TMC3: variants seen among roughly 807,000 people sequenced by gnomAD.
TMC3 encodes transmembrane channel-like protein 3.
In TMC3, 98 loss-of-function variants were observed where a neutral mutation model predicts 110.6. The ratio of observed to expected loss-of-function variants is 0.89; its 90% CI spans 0.75 to 1.05. The LOEUF is 1.05. Ranked by LOEUF, TMC3 falls within the 50% of genes least tolerant of loss-of-function variation. The pLI, the probability that TMC3 is intolerant of heterozygous loss-of-function variation, is 0.00. For synonymous variants in TMC3, 489 were observed against 513.1 expected, an observed-to-expected ratio of 0.95 and a Z score of 0.63; for missense variants, 1,319 against 1,373.2, an observed-to-expected ratio of 0.96 and a Z score of 0.62.
chr15:81,363,974 T>A (rs1420745639), intron 3 of TMC3, among the ~76,000 whole-genome samples: 2 of 152,250 alleles, frequency 1.3e-5, no homozygotes, highest in Non-Finnish European at 2.9e-5. Context: ...CTAGCTCTAA[T>A]TTCACATCTA....
chr15:81,343,814 C>T (rs1010423209), intron 14 of TMC3, 103 bp downstream of exon 14: 72 of 1,296,578 alleles, frequency 5.6e-5, no homozygotes, highest in Middle Eastern at 1.9e-4. Flanking sequence ...ATTCTCTTTC[C>T]GTGTGTCCCC....
At chr15:81,348,789 T>A (rs1893879093) in intron 11 of TMC3, among the ~76,000 whole-genome samples, 1 of 152,166 alleles carries the variant, frequency 6.6e-6, no homozygotes. Flanking sequence ...GCCAGACCTC[T>A]TCTTGGTTCC....
intron 14 of TMC3, 95 bp from the exon 15 acceptor site, chr15:81,343,440 T>C (rs1331142918): frequency 7.5e-6 from 6 of 800,320 alleles, no homozygotes; most frequent in Non-Finnish European, 1.3e-5. Context: ...TCTTTGCTCT[T>C]ATGAACACTT....
rs1242620546 is a variant in TMC3, at chr15:81,336,589, A to C, written c.2203+20T>G. 9.9e-6 allele frequency: 16 copies of C among 1,613,068 alleles called. No individual in the cohort carries two copies. Among genetic ancestry groups the C allele is most frequent in the Non-Finnish European group, 1.4e-5 (16 of 1,179,568 alleles). ...CCTCAAAACAAAAAAACAACAACAA[A>C]AAGAAACGGAAATACTTACCTTCTA... On this transcript the variant is annotated intron_variant, in intron 20 of 21. Transcript: ENST00000359440.
At chr15:81,367,975 C>T (rs953914428) in intron 3 of TMC3, among the ~76,000 whole-genome samples, 3 of 152,140 alleles carry the variant, frequency 2.0e-5, no homozygotes, top group Non-Finnish European at 4.4e-5. Context: ...CACTCTGTCA[C>T]CCAGACTGGA....
chr15:81,345,883 GA>G (rs577070071), intron 12 of TMC3, among the ~76,000 whole-genome samples: 90 of 139,292 alleles, frequency 6.5e-4, no homozygotes, highest in East Asian at 3.1e-3. Context: ...TCTCAAAAAA[GA>G]AAAAAAAAAA....
At position 81,332,131 on chromosome 15, in the gene TMC3, A is replaced by T; in HGVS notation, c.*288T>A. On this transcript the variant is annotated 3_prime_UTR_variant, in exon 22 of 22. Transcript: ENST00000359440. ...CTTCTGTCTTGAGCCCCTCTGCCAA[A>T]TTCTTTCTTCCGAGGAGGCAAGTAT... The T allele has an allele frequency of 2.9e-6, 1 of 343,140 alleles. No individual in the cohort carries two copies. Among genetic ancestry groups the T allele is most frequent in the Non-Finnish European group, 5.3e-6 (1 of 189,026 alleles). 21.3% of individuals were successfully genotyped at this position (343,140 alleles called of 1,614,324 possible). A position where few individuals can be genotyped will look rare whatever the true frequency, so the allele number is the denominator to read the frequency against.
intron 19 of TMC3, among the ~76,000 whole-genome samples, chr15:81,337,027 G>A (rs951325450): frequency 2.0e-5 from 3 of 151,116 alleles, no homozygotes; most frequent in Admixed American, 1.3e-4. Flanking sequence ...CCAATTAGAA[G>A]CTAATTTGTG....
At chr15:81,339,263 A>T in intron 17 of TMC3, 131 bp downstream of exon 17, 1 of 705,940 alleles carries the variant, frequency 1.4e-6, no homozygotes, top group Non-Finnish European at 2.4e-6. Context: ...TCTTGGATTT[A>T]AAACATGCGG....
chr15:81,336,096 A>G (rs1356164970), intron 20 of TMC3: 2 of 152,456 alleles, frequency 1.3e-5, no homozygotes, highest in African/African-American at 2.4e-5. Context: ...TGGATATGAT[A>G]TAAAAATTAA....
intron 5 of TMC3, 89 bp downstream of exon 5, chr15:81,359,276 C>A (rs888570822): frequency 7.5e-6 from 7 of 936,336 alleles, no homozygotes; most frequent in Non-Finnish European, 1.1e-5. Context: ...ATATTTTCAT[C>A]CCCACAATGA....
In TMC3 at chr15:81,359,425, C is replaced by T. The variant is rs748587704; in HGVS notation, c.441G>A (p.Trp147Ter). The change falls in exon 5 of 22, where the codon TGG becomes TGA. Residue 147 changes from tryptophan to a stop codon, truncating the protein, a stop_gained. Transcript: ENST00000359440. LOFTEE classifies it high-confidence loss of function. ...GVASYFIFLR[W>*]LFGINIVLTI... is the part of the protein sequence containing the mutation. ...TGAGCACAATATTAATTCCAAATAA[C>T]CATCTCAAGAATATGAAATAGGAGG... is the stretch of plus-strand genomic sequence containing the variant. 8.1e-6 allele frequency: 13 copies of T among 1,605,262 alleles called. 1 individual carries two copies. The South Asian group carries it at 1.1e-4, about 14-fold the overall frequency.
intron 2 of TMC3, 41 bp downstream of exon 2, chr15:81,372,550 G>A (rs755206781): frequency 6.2e-7 from 1 of 1,610,486 alleles, no homozygotes; most frequent in South Asian, 1.1e-5. Flanking sequence ...TTATCGGAAA[G>A]CATGCTTGTA....
chr15:81,359,939 G>A (rs1278470701), intron 4 of TMC3, among the ~76,000 whole-genome samples: 1 of 151,970 alleles, frequency 6.6e-6, no homozygotes, highest in Non-Finnish European at 1.5e-5. Flanking sequence ...AGGGTACACG[G>A]GAATTCTCTT....
intron 18 of TMC3, 57 bp downstream of exon 18, chr15:81,338,598 T>C: frequency 2.5e-6 from 4 of 1,586,622 alleles, no homozygotes; most frequent in Non-Finnish European, 3.4e-6. Flanking sequence ...AAAGCAGCGT[T>C]TTCTTGTTGG....
At position 81,343,317 on chromosome 15, in the gene TMC3, T is replaced by C; in HGVS notation, c.1676A>G (p.Glu559Gly). The change falls in exon 15 of 22, where the codon GAG becomes GGG. Residue 559 changes from glutamate to glycine, a missense_variant. Glu to Gly is a moderately conservative substitution (Grantham distance 98). Coordinates refer to ENST00000359440, the MANE Select transcript of TMC3 (RefSeq NM_001080532.3). ...GTTGTAGACTAAATGTAGCACATTCTCAGCTATTTTGAATTCTCCATATTC... is the reference window on the plus strand; with the variant it reads ...GTTGTAGACTAAATGTAGCACATTCCCAGCTATTTTGAATTCTCCATATTC... The part of the protein sequence containing the change: ...FPEYGEFKIA[E>G]NVLHLVYNQG... 2 of 1,611,124 alleles carry C rather than the reference T, an allele frequency of 1.2e-6. No individual in the cohort carries two copies. The highest frequency in any genetic ancestry group is 1.7e-6 in the Non-Finnish European group (2 of 1,177,276).
chr15:81,343,700 G>A (rs1401953271), intron 14 of TMC3, among the ~76,000 whole-genome samples: 2 of 151,642 alleles, frequency 1.3e-5, no homozygotes, highest in Non-Finnish European at 2.9e-5. Flanking sequence ...TGAGGCAGGA[G>A]GATCGCTTGA....
Position 81,359,463 on chromosome 15 carries a change from C to CA in TMC3, c.402dup (p.Gly135TrpfsTer18). ...ATGAAATAGGAGGCAACGCCAGATC[C>CA]AAAATGACCTAAAGAAAGACAAGAT... On this transcript the variant is annotated frameshift_variant, in exon 5 of 22. Coordinates refer to ENST00000359440, the MANE Select transcript of TMC3 (RefSeq NM_001080532.3). LOFTEE classifies it high-confidence loss of function. 1.3e-6 allele frequency: 2 copies of CA among 1,584,718 alleles called. No homozygotes were observed. Among genetic ancestry groups the CA allele is most frequent in the African/African-American group, 1.4e-5 (1 of 73,894 alleles).
In TMC3 at chr15:81,362,288, A is replaced by G; in HGVS notation, c.326T>C (p.Phe109Ser). ...CACAAAGTTACAGGCGAGACGAGCAAATTTCCGCCAGAGCTAGACAAGAGG... is the reference window on the plus strand; with the variant it reads ...CACAAAGTTACAGGCGAGACGAGCAGATTTCCGCCAGAGCTAGACAAGAGG... The part of the protein sequence containing the change: ...QAAGAELWRK[F>S]ARLACNFVVI... The change falls in exon 4 of 22, where the codon TTT (phenylalanine) becomes TCT (serine). Residue 109 changes from phenylalanine to serine, a missense_variant. Phe to Ser is a radical substitution (Grantham distance 155). Coordinates refer to ENST00000359440, the MANE Select transcript of TMC3 (RefSeq NM_001080532.3). 1 of 1,612,106 alleles carries G rather than the reference A, an allele frequency of 6.2e-7. No homozygotes were observed. The highest frequency in any genetic ancestry group is 1.1e-5 in the South Asian group (1 of 90,568).
Sources: gnomAD v4.1 joint callset for allele counts (sites outside exome capture counted in the v4.1 genomes callset) on GRCh38, gnomAD v4.1.1 for gene constraint, MANE v1.5 for transcripts, NCBI Gene and HGNC (gene_info 2026-07-23, HGNC 2026-07-21) for gene names.